RB1: variants seen among roughly 807,000 people sequenced by gnomAD.
RB1 encodes the protein retinoblastoma-associated protein.
RB1 carries 18 observed loss-of-function variants against 135.4 expected under a neutral mutation model. That is an observed-to-expected ratio of 0.13 (90% CI 0.09 to 0.20). RB1 has a LOEUF of 0.20. Among genes scored for constraint, RB1 ranks in the 10% least tolerant of loss-of-function variants. The pLI is 1.00. For missense variants in RB1, 868 were observed against 1,110.0 expected (o/e 0.78, Z 3.10); for synonymous variants, 365 against 373.2 (o/e 0.98, Z 0.25).
intron 17 of RB1, chr13:48,422,927 G>A (rs956800390): frequency 2.6e-5 from 4 of 152,258 alleles, no homozygotes; most frequent in Admixed American, 6.5e-5. Context: ...GATCACTTGA[G>A]ACCAGGATTT....
intron 17 of RB1, chr13:48,412,408 T>G (rs554553499): frequency 6.2e-7 from 1 of 1,613,610 alleles, no homozygotes; most frequent in South Asian, 1.1e-5. Flanking sequence ...CAGTGGGAGC[T>G]GTTAACGCTT....
At chr13:48,456,931 G>T (rs1949364346) in intron 19 of RB1, among the ~76,000 whole-genome samples, 1 of 152,204 alleles carries the variant, frequency 6.6e-6, no homozygotes, top group African/African-American at 2.4e-5. Context: ...CACAGCCCTG[G>T]CTCAAGGAGC....
rs5803435 is a variant in RB1 at position 48,409,570 on chromosome 13, A to ATTTTTT, written c.1695+28151_1695+28156dup. Reference sequence around the variant, plus strand: ...TTAGTTAACTTTGGAGAACTGCTTGATTTTTTTTTTTTTTTTTTTTTTTTT... The same window carrying ATTTTTT: ...TTAGTTAACTTTGGAGAACTGCTTGATTTTTTTTTTTTTTTTTTTTTTTTTTTTTTT... On this transcript the variant is annotated intron_variant, in intron 17 of 26. Transcript: ENST00000267163. Among the ~76,000 whole-genome samples the ATTTTTT allele has an allele frequency of 2.5e-4, 15 of 59,692 alleles. 2 individuals are homozygous for ATTTTTT. The highest frequency in any genetic ancestry group is 9.1e-4 in the African/African-American group (14 of 15,362). The allele number at this position is 59,692 out of a possible 152,430, so 39.2% of individuals were successfully genotyped here. A position where few individuals can be genotyped will look rare whatever the true frequency, so the allele number is the denominator to read the frequency against.
intron 2 of RB1, among the ~76,000 whole-genome samples, chr13:48,331,172 C>T (rs1593428106): frequency 6.6e-6 from 1 of 152,324 alleles, no homozygotes; most frequent in East Asian, 1.9e-4. Flanking sequence ...CCACAGCTAG[C>T]ATTATACTCA....
Position 48,402,175 on chromosome 13 carries a change from A to G in RB1, c.1695+20732A>G, listed in dbSNP as rs1278876590. 2.0e-5 allele frequency among the ~76,000 whole-genome samples: 3 copies of G among 152,236 alleles called. No individual in the cohort carries two copies. The East Asian group carries it at 5.8e-4, about 29-fold the overall frequency. ...CTGAACTTACTATCTGTTCTTGAAAATATAATTTTTTTGCATTATCTTTTT... is the reference window on the plus strand; with the variant it reads ...CTGAACTTACTATCTGTTCTTGAAAGTATAATTTTTTTGCATTATCTTTTT... On this transcript the variant is annotated intron_variant, in intron 17 of 26. Transcript: ENST00000267163.
intron 17 of RB1, among the ~76,000 whole-genome samples, chr13:48,395,398 A>G (rs1229439679): frequency 6.6e-6 from 1 of 152,154 alleles, no homozygotes; most frequent in Non-Finnish European, 1.5e-5. Flanking sequence ...TGACAGAAGT[A>G]GGCTTCAGAA....
chr13:48,324,816 T>G (rs1376152823), intron 2 of RB1, among the ~76,000 whole-genome samples: 1 of 152,132 alleles, frequency 6.6e-6, no homozygotes, highest in African/African-American at 2.4e-5. Flanking sequence ...TCTACTAATT[T>G]ACATTGCCAC....
intron 12 of RB1, among the ~76,000 whole-genome samples, chr13:48,373,725 T>C (rs41315046): frequency 3.9e-5 from 6 of 152,174 alleles, no homozygotes; most frequent in Non-Finnish European, 7.4e-5. Flanking sequence ...TTGCTCACCA[T>C]TCTTCCTTGC....
intron 17 of RB1, among the ~76,000 whole-genome samples, chr13:48,442,291 C>T (rs1949245225): frequency 6.6e-6 from 1 of 152,036 alleles, no homozygotes; most frequent in Admixed American, 6.6e-5. Flanking sequence ...AGCTCTGCCT[C>T]CTGGGTTCAC....
chr13:48,412,731 CA>C (rs1285717837), intron 17 of RB1: 1 of 397,962 alleles, frequency 2.5e-6, no homozygotes, highest in East Asian at 5.7e-5. Flanking sequence ...GAGTCCAACC[CA>C]TAGGATTATA....
At chr13:48,476,544 T>G in intron 24 of RB1, 157 bp from the exon 25 acceptor site, 1 of 723,362 alleles carries the variant, frequency 1.4e-6, no homozygotes, top group South Asian at 1.8e-5. Context: ...GATTTTTAGA[T>G]TTTTCATATC....
intron 6 of RB1, among the ~76,000 whole-genome samples, chr13:48,358,634 A>G (rs1952612747): frequency 6.6e-6 from 1 of 152,128 alleles, no homozygotes; most frequent in African/African-American, 2.4e-5. Context: ...AGTTCAACAC[A>G]GTATGCAGAG....
chr13:48,434,342 A>C (rs1325060310), intron 17 of RB1, among the ~76,000 whole-genome samples: 1 of 152,148 alleles, frequency 6.6e-6, no homozygotes, highest in Non-Finnish European at 1.5e-5. Context: ...TTCAGTCTTG[A>C]TAATAAAAAC....
chr13:48,442,732 T>C (rs752667932), intron 17 of RB1, among the ~76,000 whole-genome samples: 2 of 152,224 alleles, frequency 1.3e-5, no homozygotes, highest in Non-Finnish European at 2.9e-5. Flanking sequence ...AGAGCTGGTA[T>C]ATCAGACATC....
intron 19 of RB1, among the ~76,000 whole-genome samples, chr13:48,456,829 A>G (rs1370076486): frequency 6.6e-6 from 1 of 152,258 alleles, no homozygotes; most frequent in South Asian, 2.1e-4. Flanking sequence ...CAGACACACC[A>G]CAAGCGGTTT....
At chr13:48,455,250 G>A (rs1388412597) in intron 18 of RB1, among the ~76,000 whole-genome samples, 1 of 152,204 alleles carries the variant, frequency 6.6e-6, no homozygotes, top group Non-Finnish European at 1.5e-5. Context: ...GCTATTCTTT[G>A]AGATGGGAAA....
intron 7 of RB1, among the ~76,000 whole-genome samples, chr13:48,362,234 C>G (rs981231579): frequency 4.6e-5 from 7 of 152,048 alleles, no homozygotes; most frequent in African/African-American, 1.7e-4. Flanking sequence ...GCGTGAGCCA[C>G]CACACCCAGC....
intron 17 of RB1, among the ~76,000 whole-genome samples, chr13:48,405,735 A>T (rs1269564417): frequency 6.6e-6 from 1 of 152,254 alleles, no homozygotes. Context: ...ACAAAAAGGT[A>T]TAATCTGAAA....
intron 17 of RB1, among the ~76,000 whole-genome samples, chr13:48,441,888 A>T (rs1949240546): frequency 6.6e-6 from 1 of 152,168 alleles, no homozygotes; most frequent in Non-Finnish European, 1.5e-5. Context: ...TAATTATAGG[A>T]CCTATTTATT....
Sources: allele counts gnomAD v4.1 joint callset (sites outside exome capture counted in the v4.1 genomes callset), GRCh38; gene constraint gnomAD v4.1.1; transcripts MANE v1.5; gene names NCBI Gene and HGNC (gene_info 2026-07-23, HGNC 2026-07-21).